The following PPP3CA variants were observed in gnomAD, a reference collection of about 807,000 sequenced individuals.
PPP3CA encodes protein phosphatase 3 catalytic subunit alpha.
In PPP3CA, 14 loss-of-function variants were observed where a neutral mutation model predicts 66.5. That is an observed-to-expected ratio of 0.21 (90% confidence interval 0.14 to 0.33). PPP3CA has a LOEUF of 0.33. Among genes scored for constraint, PPP3CA ranks in the 10% least tolerant of loss-of-function variants. The probability of loss-of-function intolerance (pLI) is 1.00; values close to 1 mark genes in which losing one functional copy is unlikely to be tolerated. For synonymous variants in PPP3CA, 232 were observed against 226.2 expected (o/e 1.03, Z -0.23); for missense variants, 317 against 639.5 (o/e 0.50, Z 5.44).
chr4:101,043,985 G>A (rs185029588), intron 10 of PPP3CA, among the ~76,000 whole-genome samples: 94 of 152,250 alleles, frequency 6.2e-4, no homozygotes, highest in South Asian at 2.1e-3. Context: ...ACAGTAAGAA[G>A]AGACATTAAA....
At chr4:101,240,370 C>T (rs886916011) in intron 1 of PPP3CA, among the ~76,000 whole-genome samples, 1 of 152,082 alleles carries the variant, frequency 6.6e-6, no homozygotes, top group African/African-American at 2.4e-5. Context: ...TTTACAACTA[C>T]ATGACGAGTG....
chr4:101,192,380 A>G (rs1389144516), intron 2 of PPP3CA, among the ~76,000 whole-genome samples: 2 of 152,094 alleles, frequency 1.3e-5, no homozygotes, highest in Non-Finnish European at 2.9e-5. Flanking sequence ...TATTCCAGCC[A>G]CAAACATGAT....
At chr4:101,323,811 G>C (rs531203458) in intron 1 of PPP3CA, among the ~76,000 whole-genome samples, 12 of 152,124 alleles carry the variant, frequency 7.9e-5, no homozygotes, top group Admixed American at 3.9e-4. Context: ...GTGTTTTAAT[G>C]ACAAGAAAAT....
intron 2 of PPP3CA, among the ~76,000 whole-genome samples, chr4:101,167,607 A>G (rs922351792): frequency 6.6e-6 from 1 of 152,198 alleles, no homozygotes; most frequent in South Asian, 2.1e-4. Context: ...AATGAATGAT[A>G]AGTGCAATGG....
intron 2 of PPP3CA, among the ~76,000 whole-genome samples, chr4:101,124,705 G>GAA (rs745682687): frequency 2.1e-5 from 2 of 96,774 alleles, no homozygotes; most frequent in African/African-American, 8.9e-5. Flanking sequence ...AAGAAAGAAA[G>GAA]AAAGAAAGAA....
intron 1 of PPP3CA, among the ~76,000 whole-genome samples, chr4:101,247,459 A>G (rs1036296858): frequency 3.3e-5 from 5 of 151,946 alleles, no homozygotes; most frequent in African/African-American, 1.2e-4. Flanking sequence ...TCATCTTAAT[A>G]TATGTCTACT....
Position 101,170,627 on chromosome 4 carries a change from G to C in PPP3CA, c.259+25289C>G, listed in dbSNP as rs144872716. Reference sequence around the variant, plus strand: ...TGCCAAAAAATGTTCACCATGCTTGGGTCAACCTCACACCTAGCATCTCTT... The same window carrying C: ...TGCCAAAAAATGTTCACCATGCTTGCGTCAACCTCACACCTAGCATCTCTT... On this transcript the variant is annotated intron_variant, in intron 2 of 13. Coordinates refer to ENST00000394854, the MANE Select transcript of PPP3CA (RefSeq NM_000944.5). 3.9e-3 allele frequency among the ~76,000 whole-genome samples: 597 copies of C among 151,466 alleles called. 3 individuals carry two copies. The highest frequency in any genetic ancestry group is 0.038 in the Middle Eastern group (11 of 288).
chr4:101,343,807 C>A (rs917499298), intron 1 of PPP3CA, among the ~76,000 whole-genome samples: 3 of 152,172 alleles, frequency 2.0e-5, no homozygotes, highest in African/African-American at 7.2e-5. Flanking sequence ...TTGAGACAGA[C>A]TCAACCTACG....
chr4:101,144,820 T>C (rs1053333792), intron 2 of PPP3CA, among the ~76,000 whole-genome samples: 5 of 152,210 alleles, frequency 3.3e-5, no homozygotes, highest in Non-Finnish European at 5.9e-5. Flanking sequence ...ACCTATTTCA[T>C]ATTTTATTTC....
intron 8 of PPP3CA, among the ~76,000 whole-genome samples, chr4:101,070,906 A>T (rs114674641): frequency 0.014 from 2,104 of 151,810 alleles, 52 homozygotes; most frequent in African/African-American, 0.048. Context: ...CTTCTAGCAA[A>T]TTTTTTTTTG....
chr4:101,092,973 G>A (rs892308806), intron 6 of PPP3CA, among the ~76,000 whole-genome samples: 1 of 152,132 alleles, frequency 6.6e-6, no homozygotes, highest in Non-Finnish European at 1.5e-5. Flanking sequence ...TATATACCCA[G>A]TAATGGGATT....
At chr4:101,109,143 T>G in intron 2 of PPP3CA, 65 bp from the exon 3 acceptor site, 2 of 1,449,332 alleles carry the variant, frequency 1.4e-6, no homozygotes, top group Non-Finnish European at 1.9e-6. Context: ...ATAATAAAAT[T>G]ACAAAATTTT....
chr4:101,035,292 A>C (rs1197644835), intron 11 of PPP3CA, among the ~76,000 whole-genome samples: 2 of 149,714 alleles, frequency 1.3e-5, no homozygotes, highest in Non-Finnish European at 3.0e-5. Context: ...AAAAAAACAA[A>C]ACCCCCCCAA....
intron 1 of PPP3CA, among the ~76,000 whole-genome samples, chr4:101,323,631 T>C (rs936386295): frequency 6.6e-6 from 1 of 152,190 alleles, no homozygotes; most frequent in South Asian, 2.1e-4. Flanking sequence ...GAGTCTATGC[T>C]TTCATATATA....
intron 2 of PPP3CA, among the ~76,000 whole-genome samples, chr4:101,186,103 C>T (rs1021233882): frequency 1.2e-4 from 18 of 152,104 alleles, no homozygotes; most frequent in African/African-American, 4.1e-4. Flanking sequence ...TTCTTCATTT[C>T]CCCAACTGAA....
chr4:101,208,538 T>A (rs1725208298), intron 1 of PPP3CA, among the ~76,000 whole-genome samples: 1 of 152,194 alleles, frequency 6.6e-6, no homozygotes, highest in Non-Finnish European at 1.5e-5. Context: ...ACGATAGTCC[T>A]AAGGAACATC....
intron 11 of PPP3CA, among the ~76,000 whole-genome samples, chr4:101,036,865 T>C (rs953359175): frequency 2.6e-5 from 4 of 152,214 alleles, no homozygotes; most frequent in Non-Finnish European, 2.9e-5. Flanking sequence ...TCCTCTTCTT[T>C]AGACAATGGC....
intron 1 of PPP3CA, among the ~76,000 whole-genome samples, chr4:101,317,351 T>C (rs1307574288): frequency 6.6e-6 from 1 of 152,004 alleles, no homozygotes; most frequent in Non-Finnish European, 1.5e-5. Flanking sequence ...ATTCAATCTA[T>C]TCATATAATC....
chr4:101,334,542 T>A (rs1002371561), intron 1 of PPP3CA, among the ~76,000 whole-genome samples: 3 of 152,184 alleles, frequency 2.0e-5, no homozygotes, highest in Admixed American at 6.5e-5. Flanking sequence ...AGATTCAACA[T>A]TACCCAAAAG....
Sources: gnomAD v4.1 joint callset for allele counts (sites outside exome capture counted in the v4.1 genomes callset) on GRCh38, gnomAD v4.1.1 for gene constraint, MANE v1.5 for transcripts, NCBI Gene and HGNC (gene_info 2026-07-23, HGNC 2026-07-21) for gene names.